Variants in MYOM1 observed in about 807,000 individuals in gnomAD.
The protein encoded by MYOM1 is myomesin 1.
MYOM1 carries 164 observed loss-of-function variants against 205.3 expected under a neutral mutation model. The observed-to-expected ratio is 0.80, with a 90% CI of 0.70 to 0.91. The LOEUF (loss-of-function observed/expected upper bound fraction) is 0.91, where lower values mean the gene tolerates loss of function less well. Among genes scored for constraint, MYOM1 ranks in the 40% least tolerant of loss-of-function variants. The pLI, the probability that MYOM1 is intolerant of heterozygous loss-of-function variation, is 0.00. For missense variants in MYOM1, 2,011 were observed against 2,127.3 expected, an observed-to-expected ratio of 0.95 and a Z score of 1.08; for synonymous variants, 772 against 789.4, an observed-to-expected ratio of 0.98 and a Z score of 0.37.
chr18:3,192,140 T>C (rs1229377543), intron 3 of MYOM1, among the ~76,000 whole-genome samples: 1 of 152,194 alleles, frequency 6.6e-6, no homozygotes, highest in African/African-American at 2.4e-5. Flanking sequence ...GGTGGAGTCA[T>C]GTCACGTAGG....
chr18:3,081,036 G>A (rs1318473365), intron 33 of MYOM1, among the ~76,000 whole-genome samples: 1 of 151,784 alleles, frequency 6.6e-6, no homozygotes, highest in Non-Finnish European at 1.5e-5. Context: ...GGAAGCTGAG[G>A]CAGGAGAATT....
chr18:3,072,403 G>A (rs2078970382), intron 36 of MYOM1, among the ~76,000 whole-genome samples: 1 of 131,082 alleles, frequency 7.6e-6, no homozygotes, highest in Admixed American at 8.2e-5. Context: ...ACCCAGGGTG[G>A]AATGCAGTGG....
intron 34 of MYOM1, among the ~76,000 whole-genome samples, chr18:3,078,794 C>A (rs1190606328): frequency 1.3e-5 from 2 of 151,848 alleles, no homozygotes; most frequent in African/African-American, 4.8e-5. Flanking sequence ...GATAAATGGT[C>A]CAGTATTTTT....
chr18:3,152,912 T>G lies in MYOM1; in HGVS notation c.1644-1019A>C, dbSNP rs1187297923. Among the ~76,000 whole-genome samples the G allele has an allele frequency of 2.6e-5, 4 of 152,172 alleles. No individual in the cohort carries two copies. The highest frequency in any genetic ancestry group is 3.9e-4 in the East Asian group (2 of 5,194). On this transcript the variant is annotated intron_variant, in intron 11 of 37. Transcript: ENST00000356443. The surrounding 1 kb of genome is among the most constrained non-coding windows in gnomAD (Gnocchi z 4.3). ...CCTTATGTAAAGTGGAATAGACAAC[T>G]TCCTCACTTTCCTTATGTAAAGTGC... is the stretch of plus-strand genomic sequence containing the variant.
rs187093953 is a variant in MYOM1, at chr18:3,090,408, C to T, written c.4009+250G>A. On this transcript the variant is annotated intron_variant, in intron 27 of 37. Coordinates refer to ENST00000356443, the MANE Select transcript of MYOM1 (RefSeq NM_003803.4). ...CTAATTTTTGTATTTTTAATAGAGG[C>T]GGGGTTTCACCATGTTGGCCAGGCT... is the stretch of plus-strand genomic sequence containing the variant. Among the ~76,000 whole-genome samples the T allele has an allele frequency of 5.8e-3, 883 of 151,764 alleles. 4 individuals are homozygous for T. The highest frequency in any genetic ancestry group is 0.011 in the South Asian group (53 of 4,802).
intron 2 of MYOM1, among the ~76,000 whole-genome samples, chr18:3,198,956 G>A (rs930103853): frequency 1.3e-5 from 2 of 152,118 alleles, no homozygotes; most frequent in South Asian, 4.1e-4. Context: ...TCTCCCCAAA[G>A]CAGTGATGAT....
Position 3,067,412 on chromosome 18 carries a change from C to T in MYOM1, c.4908G>A (p.Val1636=), listed in dbSNP as rs531803971. ...GRTAYFTING[V]STADSGKYGL... The stretch of plus-strand genomic sequence containing the variant: ...CGTATTTGCCCGAGTCAGCGGTGCT[C>T]ACGCCGTTGATGGTGAAGTACGCGG... The change falls in exon 38 of 38, where the codon GTG becomes GTA. Residue 1636 remains valine, a synonymous_variant. Coordinates refer to ENST00000356443, the MANE Select transcript of MYOM1 (RefSeq NM_003803.4). The T allele has an allele frequency of 6.2e-7, 1 of 1,613,530 alleles. No homozygotes were observed. Among genetic ancestry groups the T allele is most frequent in the African/African-American group, 1.3e-5 (1 of 75,052 alleles).
At chr18:3,103,138 T>TCCGCATGCA (rs1239553916) in intron 22 of MYOM1, among the ~76,000 whole-genome samples, 4 of 151,912 alleles carry the variant, frequency 2.6e-5, no homozygotes, top group Non-Finnish European at 5.9e-5. Flanking sequence ...TGGGAGAAAG[T>TCCGCATGCA]AGAGAGACTA....
chr18:3,197,611 C>T (rs1007660154), intron 2 of MYOM1, among the ~76,000 whole-genome samples: 8 of 152,158 alleles, frequency 5.3e-5, no homozygotes, highest in South Asian at 4.2e-4. Context: ...CGGTGGCTCA[C>T]GCCTGTAATC....
chr18:3,072,973 A>AT (rs770278592), intron 36 of MYOM1, among the ~76,000 whole-genome samples: 30,873 of 102,310 alleles, frequency 0.3, 5,319 homozygotes, highest in Admixed American at 0.43. Context: ...AGATGTAAGC[A>AT]TTTTTTTTTT....
At chr18:3,167,824 G>T (rs1317375258) in intron 9 of MYOM1, among the ~76,000 whole-genome samples, 1 of 152,152 alleles carries the variant, frequency 6.6e-6, no homozygotes, top group East Asian at 1.9e-4. Flanking sequence ...AACCCAAATG[G>T]AGTTTAAAAA....
At chr18:3,138,132 G>C (rs1266723601) in intron 14 of MYOM1, among the ~76,000 whole-genome samples, 1 of 152,190 alleles carries the variant, frequency 6.6e-6, no homozygotes, top group African/African-American at 2.4e-5. Context: ...TAACAAAACT[G>C]TCAGAAGTCT....
intron 9 of MYOM1, among the ~76,000 whole-genome samples, chr18:3,166,452 T>A (rs1185116302): frequency 3.3e-5 from 5 of 151,424 alleles, no homozygotes; most frequent in Admixed American, 6.6e-5. Flanking sequence ...TTTTTTGTTT[T>A]GTTTTGTTTT....
chr18:3,179,605 A>C lies in MYOM1; in HGVS notation c.930-3471T>G, dbSNP rs1310050615. Among the ~76,000 whole-genome samples, 1 of 152,208 alleles carries C rather than the reference A, an allele frequency of 6.6e-6. No homozygotes were observed. The highest frequency in any genetic ancestry group is 1.9e-4 in the East Asian group (1 of 5,196). On this transcript the variant is annotated intron_variant, in intron 5 of 37. Coordinates refer to ENST00000356443, the MANE Select transcript of MYOM1 (RefSeq NM_003803.4). This position sits in a 1 kb window ranked among gnomAD's most constrained non-coding sequence, Gnocchi z 4.4. ...CTTCTCCAAACACAGAAGACCCTGC[A>C]AGTTGATGCAGTGCTATTTCCTGCC... is the stretch of plus-strand genomic sequence containing the variant.
the MYOM1 span, among the ~76,000 whole-genome samples, chr18:3,225,535 A>G: frequency 2.0e-5 from 3 of 152,138 alleles, no homozygotes; most frequent in African/African-American, 7.2e-5. Context: ...GAAGCTCCCA[A>G]TACAGAGGGG....
At chr18:3,193,980 C>T in intron 2 of MYOM1, 22 bp from the exon 3 acceptor site, 2 of 1,604,554 alleles carry the variant, frequency 1.2e-6, no homozygotes, top group Non-Finnish European at 1.7e-6. Flanking sequence ...CACCTAACAT[C>T]AGACAGTAAC....
intron 21 of MYOM1, among the ~76,000 whole-genome samples, chr18:3,113,994 C>T (rs1047307444): frequency 2.0e-5 from 3 of 152,146 alleles, no homozygotes; most frequent in African/African-American, 7.2e-5. Context: ...CTGGCACTAA[C>T]GGATTTTTGA....
rs565329378 is a variant in MYOM1 at position 3,173,172 on chromosome 18, T to C, written c.1174+766A>G. On this transcript the variant is annotated intron_variant, in intron 8 of 37. Transcript: ENST00000356443. ...TATTGCTTCTCATAAATAGAAGTTC[T>C]GATGTAAATGAAATGACTGACATTC... Among the ~76,000 whole-genome samples, 85 of 152,408 alleles carry C rather than the reference T, an allele frequency of 5.6e-4. 1 individual carries two copies. The highest frequency in any genetic ancestry group is 3.4e-3 in the Middle Eastern group (1 of 294).
At position 3,084,949 on chromosome 18, in the gene MYOM1, C is replaced by A. The variant is rs941534330; in HGVS notation, c.4339+96G>T. ...GCCAAAATCTGTGGACAAAAAAAAT[C>A]AGCATGATTTCAATCGTCAGCTCGG... is the stretch of plus-strand genomic sequence containing the variant. On this transcript the variant is annotated intron_variant, in intron 31 of 37. Coordinates refer to ENST00000356443, the MANE Select transcript of MYOM1 (RefSeq NM_003803.4). 4.2e-6 allele frequency: 4 copies of A among 945,130 alleles called. No homozygotes were observed. In the African/African-American group the frequency reaches 5.1e-5, roughly 12 times the overall value. The allele number at this position is 945,130 out of a possible 1,614,324, so 58.5% of individuals were successfully genotyped here. A position where few individuals can be genotyped will look rare whatever the true frequency, so the allele number is the denominator to read the frequency against.
Sources: gnomAD v4.1 joint callset for allele counts (sites outside exome capture counted in the v4.1 genomes callset) on GRCh38, gnomAD v4.1.1 for gene constraint, Gnocchi (gnomAD v3.1) non-coding constraint, MANE v1.5 for transcripts, NCBI Gene and HGNC (gene_info 2026-07-23, HGNC 2026-07-21) for gene names.